The following TSPAN2 variants were observed in gnomAD, a reference collection of about 807,000 sequenced individuals.
TSPAN2 encodes tetraspanin-2.
Under a neutral mutation model 33.3 loss-of-function variants are expected in TSPAN2, and 24 were observed. The ratio of observed to expected loss-of-function variants is 0.72; its 90% CI spans 0.52 to 1.01. TSPAN2 has a LOEUF of 1.01. Among genes scored for constraint, TSPAN2 ranks in the 50% least tolerant of loss-of-function variants. TSPAN2 has a pLI of 0.00. For synonymous variants in TSPAN2, 114 were observed against 104.5 expected (o/e 1.09, Z -0.56); for missense variants, 278 against 281.3 (o/e 0.99, Z 0.08).
intron 2 of TSPAN2, among the ~76,000 whole-genome samples, chr1:115,066,890 T>C (rs1185735578): frequency 1.3e-5 from 2 of 152,220 alleles, no homozygotes; most frequent in Non-Finnish European, 2.9e-5. Flanking sequence ...TCTGAAATTA[T>C]CCAATGAGCA....
chr1:115,087,615 CAAAAAAAAA>C (rs58524726), intron 1 of TSPAN2, among the ~76,000 whole-genome samples: 1 of 92,214 alleles, frequency 1.1e-5, no homozygotes, highest in African/African-American at 4.1e-5. Context: ...GACTCCGTCT[CAAAAAAAAA>C]AAAAAAAAAA....
intron 6 of TSPAN2, among the ~76,000 whole-genome samples, chr1:115,053,771 G>C (rs1357969244): frequency 6.6e-6 from 1 of 152,150 alleles, no homozygotes. Context: ...TAAAAATTTG[G>C]AGCCACTTCT....
chr1:115,054,254 T>A (rs1647303100), intron 6 of TSPAN2, among the ~76,000 whole-genome samples: 1 of 152,252 alleles, frequency 6.6e-6, no homozygotes, highest in African/African-American at 2.4e-5. Context: ...TTGTCACTGG[T>A]TGGTTCCTTT....
At chr1:115,081,566 C>T (rs377387825) in intron 1 of TSPAN2, among the ~76,000 whole-genome samples, 100 of 152,112 alleles carry the variant, frequency 6.6e-4, no homozygotes, top group African/African-American at 1.8e-3. Flanking sequence ...GGGGGTTCTA[C>T]GCATTTGGGT....
intron 2 of TSPAN2, among the ~76,000 whole-genome samples, chr1:115,072,452 G>C (rs1271582544): frequency 1.3e-5 from 2 of 152,124 alleles, no homozygotes; most frequent in Non-Finnish European, 2.9e-5. Flanking sequence ...TAAAATATAA[G>C]ATCACAAAAT....
chr1:115,068,582 C>T (rs1339779513), intron 2 of TSPAN2, among the ~76,000 whole-genome samples: 3 of 152,156 alleles, frequency 2.0e-5, no homozygotes, highest in Non-Finnish European at 4.4e-5. Context: ...AGGAAATACC[C>T]AGATCAGTGA....
chr1:115,088,989 G>A (rs1001761139), intron 1 of TSPAN2, among the ~76,000 whole-genome samples: 1 of 144,572 alleles, frequency 6.9e-6, no homozygotes, highest in Non-Finnish European at 1.5e-5. Flanking sequence ...GAGTGAAAAG[G>A]GGGTGTGTGC....
chr1:115,080,997 A>G (rs1648604705), intron 1 of TSPAN2, among the ~76,000 whole-genome samples: 1 of 152,254 alleles, frequency 6.6e-6, no homozygotes, highest in Non-Finnish European at 1.5e-5. Context: ...ATTCTTAATT[A>G]TTGATCAATA....
At chr1:115,087,290 C>G (rs1163679018) in intron 1 of TSPAN2, among the ~76,000 whole-genome samples, 1 of 151,948 alleles carries the variant, frequency 6.6e-6, no homozygotes, top group African/African-American at 2.4e-5. Flanking sequence ...TTTTGAGAAC[C>G]ACTGGTTAAT....
chr1:115,060,495 G>A lies in TSPAN2; in HGVS notation c.314C>T (p.Thr105Ile). ...CTTGCCTATAAAAGCAAATACTCCA[G>A]TGGTTACTTCAGCAGCAAATATCAC... ...LLVIFAAEVT[T>I]GVFAFIGKGV... Residue 105 changes from threonine (T) to isoleucine (I), a missense_variant, in exon 4 of 8, where the codon ACT becomes ATT. Coordinates refer to ENST00000369516, the MANE Select transcript of TSPAN2 (RefSeq NM_005725.6). The A allele has an allele frequency of 6.2e-7, 1 of 1,613,628 alleles. No homozygotes were observed. Among genetic ancestry groups the A allele is most frequent in the Non-Finnish European group, 8.5e-7 (1 of 1,179,744 alleles).
In TSPAN2 at chr1:115,050,134, G is replaced by T; in HGVS notation, c.*356C>A. 3.8e-6 allele frequency: 1 copy of T among 265,014 alleles called. No homozygotes were observed. The allele number at this position is 265,014 out of a possible 1,614,324, so 16.4% of individuals were successfully genotyped here. On this transcript the variant is annotated 3_prime_UTR_variant, in exon 8 of 8. Transcript: ENST00000369516. ...GACCCATTATCACTTTTTCTAAATA[G>T]CCAAGTTCTCAAAGTTTCTGAAAGC...
chr1:115,076,296 T>C (rs902162183), intron 1 of TSPAN2, among the ~76,000 whole-genome samples: 2 of 152,012 alleles, frequency 1.3e-5, no homozygotes. Context: ...AGGTCGGAGG[T>C]TGGGGCTTGA....
chr1:115,077,490 C>T (rs772506548), intron 1 of TSPAN2, among the ~76,000 whole-genome samples: 13 of 152,064 alleles, frequency 8.5e-5, no homozygotes, highest in Non-Finnish European at 1.3e-4. Flanking sequence ...TTGGAGGACA[C>T]GAAATTGCAA....
In TSPAN2 at chr1:115,050,077, T is replaced by A. The variant is rs1347174206; in HGVS notation, c.*413A>T. The A allele has an allele frequency of 4.4e-6, 1 of 228,492 alleles. No individual in the cohort carries two copies. The highest frequency in any genetic ancestry group is 8.6e-6 in the Non-Finnish European group (1 of 115,812). The allele number at this position is 228,492 out of a possible 1,614,324, so 14.2% of individuals were successfully genotyped here. On this transcript the variant is annotated 3_prime_UTR_variant, in exon 8 of 8. Transcript: ENST00000369516. ...AGAAGAAATCTCTGAATTCTCTGCA[T>A]CTAATTTTCAATGGCTACAGTCTGA...
chr1:115,088,979 G>A (rs543155247), intron 1 of TSPAN2, among the ~76,000 whole-genome samples: 1 of 150,526 alleles, frequency 6.6e-6, no homozygotes, highest in Admixed American at 6.6e-5. Flanking sequence ...CTGGTAGGCA[G>A]AGTGAAAAGG....
chr1:115,089,452 A>G lies in TSPAN2; in HGVS notation c.-20T>C, dbSNP rs1432785968. The G allele has an allele frequency of 1.9e-6, 3 of 1,542,476 alleles. No homozygotes were observed. Among genetic ancestry groups the G allele is most frequent in the South Asian group, 2.4e-5 (2 of 83,772 alleles). On this transcript the variant is annotated 5_prime_UTR_variant, in exon 1 of 8. Coordinates refer to ENST00000369516, the MANE Select transcript of TSPAN2 (RefSeq NM_005725.6). ...CCCCATGCTGCGGCCCGGCGGCGGG[A>G]TCCCCAGTCCCCAGGCCCGCGCTAC...
intron 1 of TSPAN2, among the ~76,000 whole-genome samples, chr1:115,075,755 C>T (rs764250848): frequency 7.9e-5 from 12 of 152,192 alleles, no homozygotes; most frequent in East Asian, 3.8e-4. Context: ...AACTGCCTCA[C>T]GCCCACATTC....
chr1:115,076,100 T>C (rs1648399612), intron 1 of TSPAN2, among the ~76,000 whole-genome samples: 1 of 152,070 alleles, frequency 6.6e-6, no homozygotes, highest in Non-Finnish European at 1.5e-5. Flanking sequence ...TGCCAAGGGA[T>C]TGGAGCAAAC....
At chr1:115,055,722 A>G (rs1464031593) in intron 6 of TSPAN2, among the ~76,000 whole-genome samples, 2 of 152,050 alleles carry the variant, frequency 1.3e-5, no homozygotes, top group Non-Finnish European at 2.9e-5. Flanking sequence ...GGATTTCACC[A>G]TGTTGCCCAG....
Sources: allele counts gnomAD v4.1 joint callset (sites outside exome capture counted in the v4.1 genomes callset), GRCh38; gene constraint gnomAD v4.1.1; transcripts MANE v1.5; gene names NCBI Gene and HGNC (gene_info 2026-07-23, HGNC 2026-07-21).